SH3RF3: variants seen among roughly 807,000 people sequenced by gnomAD.
SH3RF3 encodes E3 ubiquitin-protein ligase SH3RF3.
In SH3RF3, 29 loss-of-function variants were observed where a neutral mutation model predicts 66.3. The observed-to-expected ratio is 0.44, with a 90% CI of 0.33 to 0.60. The LOEUF (loss-of-function observed/expected upper bound fraction) is 0.60, where lower values mean the gene tolerates loss of function less well. SH3RF3 is among the 20% of genes least tolerant of loss of function. SH3RF3 has a pLI of 0.04. For synonymous variants in SH3RF3, 583 were observed against 532.0 expected (o/e 1.10, Z -1.32); for missense variants, 1,194 against 1,190.9 (o/e 1.00, Z -0.04).
At chr2:109,153,840 A>C (rs749975826) in intron 1 of SH3RF3, among the ~76,000 whole-genome samples, 19 of 152,188 alleles carry the variant, frequency 1.2e-4, no homozygotes, top group Non-Finnish European at 2.1e-4. Context: ...CTGCTTCCTG[A>C]GGGCTGACTC....
intron 1 of SH3RF3, among the ~76,000 whole-genome samples, chr2:109,309,997 G>A (rs1681689513): frequency 1.6e-5 from 2 of 125,670 alleles, no homozygotes; most frequent in Admixed American, 7.9e-5. Flanking sequence ...GGACCTAATA[G>A]ACATCTACAG....
chr2:109,475,125 G>A (rs1052372053), intron 8 of SH3RF3, among the ~76,000 whole-genome samples: 10 of 152,036 alleles, frequency 6.6e-5, no homozygotes, highest in East Asian at 3.9e-4. Flanking sequence ...CTACAGGTGC[G>A]CACCACCACG....
At chr2:109,368,131 A>G (rs7584905) in intron 2 of SH3RF3, among the ~76,000 whole-genome samples, 21,368 of 152,048 alleles carry the variant, frequency 0.14, 1,615 homozygotes, top group Middle Eastern at 0.24. Context: ...GCCTTGGCCT[A>G]TTTTTCTCTT....
At position 109,446,802 on chromosome 2, in the gene SH3RF3, G is replaced by C. The variant is rs191505804; in HGVS notation, c.1829-2368G>C. On this transcript the variant is annotated intron_variant, in intron 7 of 9. Coordinates refer to ENST00000309415, the MANE Select transcript of SH3RF3 (RefSeq NM_001099289.3). The stretch of plus-strand genomic sequence containing the variant: ...TGGTGCCTGGGATGAGCAAAGTAGT[G>C]CGGCAGGCGAGGGGAAGCCGGCCAG... 2.2e-3 allele frequency among the ~76,000 whole-genome samples: 334 copies of C among 152,258 alleles called. 1 individual carries two copies. Among genetic ancestry groups the C allele is most frequent in the Non-Finnish European group, 3.6e-3 (244 of 68,008 alleles).
chr2:109,465,885 G>A (rs969472551), intron 8 of SH3RF3, among the ~76,000 whole-genome samples: 6 of 152,030 alleles, frequency 3.9e-5, no homozygotes, highest in Non-Finnish European at 7.4e-5. Context: ...TAAACCATTC[G>A]TGAGAAATCT....
At chr2:109,135,774 G>T (rs1676801765) in intron 1 of SH3RF3, among the ~76,000 whole-genome samples, 1 of 152,194 alleles carries the variant, frequency 6.6e-6, no homozygotes, top group African/African-American at 2.4e-5. Context: ...CATCTATGCG[G>T]AGTAGTTGCT....
intron 8 of SH3RF3, among the ~76,000 whole-genome samples, chr2:109,472,677 C>T (rs2104731456): frequency 6.6e-6 from 1 of 152,290 alleles, no homozygotes; most frequent in South Asian, 2.1e-4. Flanking sequence ...TTAATTTTTC[C>T]TGTTTCATTC....
chr2:109,258,873 G>A (rs999285192), intron 1 of SH3RF3, among the ~76,000 whole-genome samples: 3 of 152,214 alleles, frequency 2.0e-5, no homozygotes, highest in Admixed American at 6.5e-5. Flanking sequence ...TGGATTTGAC[G>A]AGAACACTCT....
At chr2:109,415,397 G>A (rs1030366189) in intron 4 of SH3RF3, among the ~76,000 whole-genome samples, 1 of 152,186 alleles carries the variant, frequency 6.6e-6, no homozygotes, top group African/African-American at 2.4e-5. Flanking sequence ...CATTGTTCCA[G>A]GGGGAGTGCT....
At chr2:109,282,822 C>A (rs1168241533) in intron 1 of SH3RF3, among the ~76,000 whole-genome samples, 1 of 152,064 alleles carries the variant, frequency 6.6e-6, no homozygotes, top group Non-Finnish European at 1.5e-5. Context: ...GGCTGGCAGG[C>A]AGGAGGAGGT....
At chr2:109,323,535 T>C (rs1682077927) in intron 1 of SH3RF3, among the ~76,000 whole-genome samples, 1 of 152,210 alleles carries the variant, frequency 6.6e-6, no homozygotes, top group African/African-American at 2.4e-5. Flanking sequence ...ATATTGTAGG[T>C]AGTGGTAGAT....
chr2:109,408,541 G>A (rs778849453), intron 4 of SH3RF3, among the ~76,000 whole-genome samples: 3 of 152,196 alleles, frequency 2.0e-5, no homozygotes, highest in Admixed American at 1.3e-4. Flanking sequence ...GGCCGGGTTC[G>A]CTCTCAGGAC....
intron 1 of SH3RF3, among the ~76,000 whole-genome samples, chr2:109,268,327 C>T (rs963796361): frequency 6.6e-6 from 1 of 151,780 alleles, no homozygotes; most frequent in Non-Finnish European, 1.5e-5. Flanking sequence ...ACCCCCTCAC[C>T]CACAAGGACT....
At chr2:109,327,581 C>A in intron 1 of SH3RF3, among the ~76,000 whole-genome samples, 1 of 152,182 alleles carries the variant, frequency 6.6e-6, no homozygotes, top group East Asian at 1.9e-4. Flanking sequence ...AAAATTACAG[C>A]TTTTCTGAGT....
rs138798487 is a variant in SH3RF3 at position 109,302,729 on chromosome 2, C to T, written c.574-44945C>T. ...CGGGAGACAAGGCATCATGGTGCTC[C>T]TATGTTCTTCCTGTTTTCAGACACG... On this transcript the variant is annotated intron_variant, in intron 1 of 9. Coordinates refer to ENST00000309415, the MANE Select transcript of SH3RF3 (RefSeq NM_001099289.3). Among the ~76,000 whole-genome samples, 8 of 146,672 alleles carry T rather than the reference C, an allele frequency of 5.5e-5. No homozygotes were observed. The East Asian group carries it at 1.5e-3, about 28-fold the overall frequency.
intron 1 of SH3RF3, among the ~76,000 whole-genome samples, chr2:109,280,352 G>A (rs891423950): frequency 2.0e-5 from 3 of 152,206 alleles, no homozygotes; most frequent in Admixed American, 1.3e-4. Flanking sequence ...GCCAGTGGCA[G>A]TGGGCTCTGA....
chr2:109,238,768 GCT>G (rs1259797871), intron 1 of SH3RF3, among the ~76,000 whole-genome samples: 1 of 152,104 alleles, frequency 6.6e-6, no homozygotes, highest in African/African-American at 2.4e-5. Context: ...ATCCTCTGTG[GCT>G]CTTGCAATAC....
chr2:109,404,291 G>A (rs1381799012), intron 4 of SH3RF3, among the ~76,000 whole-genome samples: 1 of 152,252 alleles, frequency 6.6e-6, no homozygotes, highest in East Asian at 1.9e-4. Flanking sequence ...TGAGAATGCT[G>A]AAAAGGAAGA....
At position 109,421,202 on chromosome 2, in the gene SH3RF3, G is replaced by A. The variant is rs112153298; in HGVS notation, c.1403+1560G>A. Reference sequence around the variant, plus strand: ...AGAAACCTGCACCCACAGTGGGATAGCCCTGATGGAGTTTCCCAAATGAGA... The same window carrying A: ...AGAAACCTGCACCCACAGTGGGATAACCCTGATGGAGTTTCCCAAATGAGA... On this transcript the variant is annotated intron_variant, in intron 5 of 9. Coordinates refer to ENST00000309415, the MANE Select transcript of SH3RF3 (RefSeq NM_001099289.3). Among the ~76,000 whole-genome samples, 1,146 of 152,338 alleles carry A rather than the reference G, an allele frequency of 7.5e-3. 4 individuals carry two copies. The highest frequency in any genetic ancestry group is 0.013 in the East Asian group (69 of 5,182).
Sources: allele counts gnomAD v4.1 joint callset (sites outside exome capture counted in the v4.1 genomes callset), GRCh38; gene constraint gnomAD v4.1.1; transcripts MANE v1.5; gene names NCBI Gene and HGNC (gene_info 2026-07-23, HGNC 2026-07-21).